ZNF335: variants seen among roughly 807,000 people sequenced by gnomAD.
ZNF335 encodes zinc finger protein 335.
Under a neutral mutation model 145.6 loss-of-function variants are expected in ZNF335, and 84 were observed. That is an observed-to-expected ratio of 0.58 (90% CI 0.48 to 0.69). The LOEUF (loss-of-function observed/expected upper bound fraction) is 0.69. Among genes scored for constraint, ZNF335 ranks in the 30% least tolerant of loss-of-function variants. ZNF335 has a pLI of 0.00. For synonymous variants in ZNF335, 761 were observed against 717.0 expected (o/e 1.06, Z -0.98); for missense variants, 1,865 against 1,809.7 (o/e 1.03, Z -0.55).
chr20:45,950,583 G>A lies in ZNF335; in HGVS notation c.3202C>T (p.Gln1068Ter). Residue 1068 changes from glutamine (Q) to a stop codon, truncating the protein, a stop_gained, in exon 21 of 28, where the codon CAG becomes TAG. Transcript: ENST00000322927. LOFTEE classifies it high-confidence loss of function. Reference sequence around the variant, plus strand: ...TGGTGGGGCCGTAGGCTTGAGTGCTGTGCCATGTGCGCCTGCAGAGAGGGC... The same window carrying A: ...TGGTGGGGCCGTAGGCTTGAGTGCTATGCCATGTGCGCCTGCAGAGAGGGC... ...QWPEVRAHMA[Q>*]HSSLRPHQCS... 6.2e-7 allele frequency: 1 copy of A among 1,614,004 alleles called. No individual in the cohort carries two copies. Among genetic ancestry groups the A allele is most frequent in the Non-Finnish European group, 8.5e-7 (1 of 1,180,010 alleles).
At chr20:45,951,637 C>T (rs1472962046) in intron 20 of ZNF335, among the ~76,000 whole-genome samples, 2 of 152,226 alleles carry the variant, frequency 1.3e-5, no homozygotes, top group African/African-American at 4.8e-5. Flanking sequence ...GCTCCTGAGA[C>T]TAATGCAGCT....
Position 45,952,402 on chromosome 20 carries a change from G to T in ZNF335, c.2934C>A (p.Ala978=), listed in dbSNP as rs199855375. The change falls in exon 20 of 28, where the codon GCC becomes GCA. Residue 978 remains alanine (A), a synonymous_variant. Transcript: ENST00000322927. ...PRDGPEPPSP[A]KTHCVGDSQS... is the part of the protein sequence containing the mutation. ...GGGAGTCCCCTACGCAGTGGGTCTT[G>T]GCTGGAGATGGGGGCTCAGGGCCGT... The T allele has an allele frequency of 6.3e-7, 1 of 1,588,852 alleles. No individual in the cohort carries two copies. The highest frequency in any genetic ancestry group is 8.6e-7 in the Non-Finnish European group (1 of 1,164,360).
Position 45,949,078 on chromosome 20 carries a change from C to T in ZNF335, c.3904G>A (p.Val1302Met). Reference protein sequence around the residue: ...EAAAHSAVTAVADAAMAQAQG... With the variant: ...EAAAHSAVTAMADAAMAQAQG... The stretch of plus-strand genomic sequence containing the variant: ...GCTTGGGCCATGGCAGCATCAGCCA[C>T]TGCTGCCAGGGGAGGGGAAAGTATG... Residue 1302 changes from valine (V) to methionine (M), a missense_variant and splice_region_variant, in exon 28 of 28, where the codon GTG becomes ATG. Coordinates refer to ENST00000322927, the MANE Select transcript of ZNF335 (RefSeq NM_022095.4). 6.2e-7 allele frequency: 1 copy of T among 1,613,810 alleles called. No homozygotes were observed. The highest frequency in any genetic ancestry group is 1.6e-4 in the Middle Eastern group (1 of 6,062).
rs561629613 is a variant in ZNF335, at chr20:45,950,910, GA to G, written c.3190-316del. 2.5e-3 allele frequency among the ~76,000 whole-genome samples: 370 copies of G among 149,346 alleles called. 2 individuals carry two copies. Among genetic ancestry groups the G allele is most frequent in the African/African-American group, 6.9e-3 (282 of 40,660 alleles). On this transcript the variant is annotated intron_variant, in intron 20 of 27. Coordinates refer to ENST00000322927, the MANE Select transcript of ZNF335 (RefSeq NM_022095.4). ...ATCGGGCCCTGAATTTTTTTTTTTT[GA>G]GACAGTTTTGCTCTTGTTGCCCAGA...
rs763352556 is a variant in ZNF335 at position 45,957,696 on chromosome 20, C to T, written c.2348-16G>A. On this transcript the variant is annotated splice_polypyrimidine_tract_variant and intron_variant, in intron 16 of 27. Transcript: ENST00000322927. Reference sequence around the variant, plus strand: ...TCCTCAGCTCCTGGGTGGGGTGGGACCTAAGCCTGACAAAGTGCTAGAAAA... The same window carrying T: ...TCCTCAGCTCCTGGGTGGGGTGGGATCTAAGCCTGACAAAGTGCTAGAAAA... 25 of 1,613,840 alleles carry T rather than the reference C, an allele frequency of 1.5e-5. No homozygotes were observed. Among genetic ancestry groups the T allele is most frequent in the Non-Finnish European group, 2.0e-5 (24 of 1,179,812 alleles).
chr20:45,963,163 T>TAGAA (rs2083881200), intron 9 of ZNF335, among the ~76,000 whole-genome samples: 1 of 152,138 alleles, frequency 6.6e-6, no homozygotes, highest in South Asian at 2.1e-4. Context: ...CTGGAAATCT[T>TAGAA]TCTAACACAT....
chr20:45,950,149 C>A, intron 22 of ZNF335, 70 bp downstream of exon 22: 1 of 1,591,874 alleles, frequency 6.3e-7, no homozygotes, highest in Non-Finnish European at 8.6e-7. Flanking sequence ...CCAGTGGTGC[C>A]TTTTGGGGCA....
chr20:45,971,003 A>G (rs2084052605), intron 2 of ZNF335, among the ~76,000 whole-genome samples: 1 of 152,178 alleles, frequency 6.6e-6, no homozygotes, highest in South Asian at 2.1e-4. Flanking sequence ...ATCCTTTTCT[A>G]TAAGATGTGG....
rs757219780 is a variant in ZNF335 at position 45,950,365 on chromosome 20, C to T, written c.3341G>A (p.Arg1114His). The change falls in exon 22 of 28, where the codon CGT becomes CAT. Residue 1114 changes from arginine to histidine, a missense_variant. Transcript: ENST00000322927. ...ACHLCGQRFN[R>H]NGHLKFHIQR... The stretch of plus-strand genomic sequence containing the variant: ...GATGTGGAACTTGAGGTGCCCGTTA[C>T]GGTTGAAACTGAGGGGGATGAAAGG... The T allele has an allele frequency of 2.1e-5, 33 of 1,596,774 alleles. No homozygotes were observed. The highest frequency in any genetic ancestry group is 2.6e-5 in the Non-Finnish European group (30 of 1,169,154).
In ZNF335 at chr20:45,963,561, A is replaced by C; in HGVS notation, c.1445T>G (p.Phe482Cys). 6.2e-7 allele frequency: 1 copy of C among 1,614,228 alleles called. No homozygotes were observed. Residue 482 changes from phenylalanine to cysteine, a missense_variant, in exon 9 of 28, where the codon TTC becomes TGC. Phe to Cys is a radical substitution (Grantham distance 205). Coordinates refer to ENST00000322927, the MANE Select transcript of ZNF335 (RefSeq NM_022095.4). ...SRFLSHEDLR[F>C]HVNSHEAGDP... ...GCCAGCCTCATGGGAGTTGACGTGG[A>C]AGCGCAGGTCCTCGTGGGACAGAAA...
Position 45,948,978 on chromosome 20 carries a change from T to C in ZNF335, c.4004A>G (p.Asp1335Gly). ...TCAGTCATCGGCCAGGGTGATGACGTCGTACTCGATGCCCTGGTGCTGCAG... is the reference window on the plus strand; with the variant it reads ...TCAGTCATCGGCCAGGGTGATGACGCCGTACTCGATGCCCTGGTGCTGCAG... ...QQLQHQGIEY[D>G]VITLADD is the part of the protein sequence containing the mutation. The change falls in exon 28 of 28, where the codon GAC becomes GGC. Residue 1335 changes from aspartate to glycine, a missense_variant. Coordinates refer to ENST00000322927, the MANE Select transcript of ZNF335 (RefSeq NM_022095.4). 6.2e-7 allele frequency: 1 copy of C among 1,613,892 alleles called. No individual in the cohort carries two copies. The highest frequency in any genetic ancestry group is 1.1e-5 in the South Asian group (1 of 91,084).
Position 45,950,410 on chromosome 20 carries a change from CA to C in ZNF335, c.3333-38del, listed in dbSNP as rs2083609291. Reference sequence around the variant, plus strand: ...GAAAGGTGGCTCAGGTTAGCTCCACCATACATGCCCAGCAGTCCCCACCCAC... The same window carrying C: ...GAAAGGTGGCTCAGGTTAGCTCCACCTACATGCCCAGCAGTCCCCACCCAC... On this transcript the variant is annotated intron_variant, in intron 21 of 27. Coordinates refer to ENST00000322927, the MANE Select transcript of ZNF335 (RefSeq NM_022095.4). 2.5e-6 allele frequency: 4 copies of C among 1,612,578 alleles called. No individual in the cohort carries two copies. The Admixed American group carries it at 6.7e-5, about 27-fold the overall frequency.
At position 45,962,070 on chromosome 20, in the gene ZNF335, C is replaced by T. The variant is rs767306543; in HGVS notation, c.1646G>A (p.Arg549Gln). 18 of 1,612,402 alleles carry T rather than the reference C, an allele frequency of 1.1e-5. No homozygotes were observed. The highest frequency in any genetic ancestry group is 2.2e-5 in the East Asian group (1 of 44,870). Residue 549 changes from arginine to glutamine, a missense_variant and splice_region_variant, in exon 10 of 28, where the codon CGG becomes CAG. Physicochemically the swap from Arg to Gln is conservative, Grantham distance 43. Transcript: ENST00000322927. The part of the protein sequence containing the change: ...IRHAAVHSRD[R>Q]KKRPDPTPKL... Reference sequence around the variant, plus strand: ...AGGTCCCTCCCACCCCCACACTGACCGGTCCCGGCTGTGCACAGCGGCGTG... The same window carrying T: ...AGGTCCCTCCCACCCCCACACTGACTGGTCCCGGCTGTGCACAGCGGCGTG...
At chr20:45,970,742 C>CCAG (rs1164094418) in intron 2 of ZNF335, among the ~76,000 whole-genome samples, 1 of 150,472 alleles carries the variant, frequency 6.6e-6, no homozygotes, top group African/African-American at 2.4e-5. Context: ...CAGTCTTAAC[C>CCAG]CAGGGCACTT....
rs536274112 is a variant in ZNF335 at position 45,963,566 on chromosome 20, C to T, written c.1440G>A (p.Leu480=). The change falls in exon 9 of 28, where the codon CTG becomes CTA. Residue 480 remains leucine (L), a synonymous_variant. Coordinates refer to ENST00000322927, the MANE Select transcript of ZNF335 (RefSeq NM_022095.4). The part of the protein sequence containing the change: ...CGSRFLSHED[L]RFHVNSHEAG... ...CCTCATGGGAGTTGACGTGGAAGCG[C>T]AGGTCCTCGTGGGACAGAAAGCGAG... 6.2e-7 allele frequency: 1 copy of T among 1,614,238 alleles called. No individual in the cohort carries two copies. The highest frequency in any genetic ancestry group is 1.7e-5 in the Admixed American group (1 of 60,030).
At position 45,950,561 on chromosome 20, in the gene ZNF335, T is replaced by G; in HGVS notation, c.3224A>C (p.His1075Pro). 6.2e-7 allele frequency: 1 copy of G among 1,614,044 alleles called. No homozygotes were observed. The highest frequency in any genetic ancestry group is 8.5e-7 in the Non-Finnish European group (1 of 1,180,010). ...HMAQHSSLRPHQCSQCSFASK... is the reference protein window; with the variant it reads ...HMAQHSSLRPPQCSQCSFASK... Reference sequence around the variant, plus strand: ...GGCAAAGCTGCACTGGCTACACTGGTGGGGCCGTAGGCTTGAGTGCTGTGC... The same window carrying G: ...GGCAAAGCTGCACTGGCTACACTGGGGGGGCCGTAGGCTTGAGTGCTGTGC... The change falls in exon 21 of 28, where the codon CAC becomes CCC. Residue 1075 changes from histidine (H) to proline (P), a missense_variant. Physicochemically the swap from His to Pro is moderately conservative, Grantham distance 77. Transcript: ENST00000322927.
At position 45,969,149 on chromosome 20, in the gene ZNF335, G is replaced by A. The variant is rs76066333; in HGVS notation, c.442+302C>T. 3.6e-3 allele frequency among the ~76,000 whole-genome samples: 549 copies of A among 152,292 alleles called. 1 individual carries two copies. Among genetic ancestry groups the A allele is most frequent in the African/African-American group, 0.013 (520 of 41,554 alleles). ...TGAACATTAACATCCTCTACCTTTT[G>A]GGGTTATTGGGAGGATTAAATGAGC... On this transcript the variant is annotated intron_variant, in intron 3 of 27. Coordinates refer to ENST00000322927, the MANE Select transcript of ZNF335 (RefSeq NM_022095.4).
At chr20:45,954,770 C>CTTT (rs10577924) in intron 17 of ZNF335, among the ~76,000 whole-genome samples, 2 of 90,150 alleles carry the variant, frequency 2.2e-5, no homozygotes, top group African/African-American at 8.3e-5. Flanking sequence ...CATACAATTA[C>CTTT]TTTTTTTTTT....
At chr20:45,952,566 G>A (rs2083654072) in intron 19 of ZNF335, 32 bp downstream of exon 19, 1 of 1,612,064 alleles carries the variant, frequency 6.2e-7, no homozygotes, top group Non-Finnish European at 8.5e-7. Flanking sequence ...GGGGAGGGAG[G>A]TGGGGGAGTG....
Sources: gnomAD v4.1 joint callset for allele counts (sites outside exome capture counted in the v4.1 genomes callset) on GRCh38, gnomAD v4.1.1 for gene constraint, MANE v1.5 for transcripts, NCBI Gene and HGNC (gene_info 2026-07-23, HGNC 2026-07-21) for gene names.